Variants in SLC5A4 observed in about 807,000 individuals in gnomAD.
The protein encoded by SLC5A4 is probable glucose sensor protein SLC5A4.
Under a neutral mutation model 70.3 loss-of-function variants are expected in SLC5A4, and 55 were observed. The ratio of observed to expected loss-of-function variants is 0.78; its 90% CI spans 0.63 to 0.98. The LOEUF (loss-of-function observed/expected upper bound fraction) is 0.98. SLC5A4 is among the 50% of genes least tolerant of loss of function. The pLI, the probability that SLC5A4 is intolerant of heterozygous loss-of-function variation, is 0.00. For missense variants in SLC5A4, 735 were observed against 839.2 expected (o/e 0.88, Z 1.53); for synonymous variants, 268 against 305.7 (o/e 0.88, Z 1.29).
the SLC5A4 span, among the ~76,000 whole-genome samples, chr22:32,314,821 CAGAG>C: frequency 6.6e-6 from 1 of 152,094 alleles, no homozygotes; most frequent in East Asian, 1.9e-4. Flanking sequence ...GGCAAAGGGA[CAGAG>C]AGAGTGAGCG....
At chr22:32,349,145 T>C in the SLC5A4 span, among the ~76,000 whole-genome samples, 1 of 152,104 alleles carries the variant, frequency 6.6e-6, no homozygotes, top group African/African-American at 2.4e-5. Flanking sequence ...GGCTAATTTT[T>C]TGTGTTTTTA....
intron 5 of SLC5A4, among the ~76,000 whole-genome samples, chr22:32,241,041 C>T (rs896194380): frequency 6.6e-6 from 1 of 152,166 alleles, no homozygotes; most frequent in Non-Finnish European, 1.5e-5. Context: ...AGGGTATTTC[C>T]GTGAGGCCCA....
the SLC5A4 span, among the ~76,000 whole-genome samples, chr22:32,347,135 C>G: frequency 6.6e-6 from 1 of 152,180 alleles, no homozygotes; most frequent in Non-Finnish European, 1.5e-5. Context: ...CAGATAAATG[C>G]AAATCAAAAT....
the SLC5A4 span, among the ~76,000 whole-genome samples, chr22:32,267,674 A>G: frequency 6.6e-6 from 1 of 152,144 alleles, no homozygotes. Flanking sequence ...AACATCATTT[A>G]CATTCTCTAT....
the SLC5A4 span, among the ~76,000 whole-genome samples, chr22:32,328,195 G>A: frequency 5.3e-5 from 8 of 152,138 alleles, no homozygotes; most frequent in South Asian, 1.5e-3. Flanking sequence ...TCCCCCATCT[G>A]TAAAATGTGG....
At chr22:32,276,519 T>G in the SLC5A4 span, among the ~76,000 whole-genome samples, 2 of 152,222 alleles carry the variant, frequency 1.3e-5, no homozygotes, top group African/African-American at 4.8e-5. Context: ...ATAGCTCCAT[T>G]TGCATAAAAA....
the SLC5A4 span, among the ~76,000 whole-genome samples, chr22:32,330,923 C>T: frequency 4.0e-5 from 1 of 25,102 alleles, no homozygotes; most frequent in Non-Finnish European, 7.4e-5. Context: ...GTGTTGGAGG[C>T]CTCTGGTGTG....
Position 32,218,484 on chromosome 22 carries a change from T to C in SLC5A4, c.*30A>G, listed in dbSNP as rs759517427. On this transcript the variant is annotated 3_prime_UTR_variant, in exon 15 of 15. Coordinates refer to ENST00000266086, the MANE Select transcript of SLC5A4 (RefSeq NM_014227.3). The stretch of plus-strand genomic sequence containing the variant: ...TATCCTTTGGTTCATTATTAAGAAT[T>C]ATTCATTATTCTAATGGCTCAGATA... The C allele has an allele frequency of 4.6e-6, 6 of 1,300,908 alleles. No homozygotes were observed. The African/African-American group carries it at 8.9e-5, about 19-fold the overall frequency. The allele number at this position is 1,300,908 out of a possible 1,614,324, so 80.6% of individuals were successfully genotyped here.
chr22:32,228,785 CCT>C (rs1265184877), intron 11 of SLC5A4, among the ~76,000 whole-genome samples: 1 of 152,030 alleles, frequency 6.6e-6, no homozygotes, highest in Non-Finnish European at 1.5e-5. Context: ...CTGATAAACT[CCT>C]CTGTGTTCAT....
At chr22:32,267,197 A>G in the SLC5A4 span, among the ~76,000 whole-genome samples, 1 of 152,208 alleles carries the variant, frequency 6.6e-6, no homozygotes, top group Admixed American at 6.5e-5. Context: ...AGTGAGGACG[A>G]TCTCCTTTGT....
At chr22:32,349,909 CCTT>C in the SLC5A4 span, among the ~76,000 whole-genome samples, 9 of 152,302 alleles carry the variant, frequency 5.9e-5, no homozygotes, top group East Asian at 1.7e-3. Context: ...TCCTTCATAA[CCTT>C]CTTTACCATA....
chr22:32,341,699 T>C, the SLC5A4 span, among the ~76,000 whole-genome samples: 1 of 152,338 alleles, frequency 6.6e-6, no homozygotes, highest in East Asian at 1.9e-4. Context: ...GTGGCCTAAA[T>C]GGCCCCTTAT....
At chr22:32,241,766 CAT>C (rs200519667) in intron 5 of SLC5A4, among the ~76,000 whole-genome samples, 3,803 of 142,892 alleles carry the variant, frequency 0.027, 128 homozygotes, top group African/African-American at 0.09. Flanking sequence ...ACAAATTTTA[CAT>C]ATATATATGT....
At chr22:32,329,089 G>T in the SLC5A4 span, among the ~76,000 whole-genome samples, 8 of 152,354 alleles carry the variant, frequency 5.3e-5, no homozygotes, top group Middle Eastern at 3.4e-3. Context: ...GAGTGAGCTG[G>T]CGTCTGGATC....
At chr22:32,313,800 T>C in the SLC5A4 span, among the ~76,000 whole-genome samples, 3 of 138,012 alleles carry the variant, frequency 2.2e-5, no homozygotes, top group Admixed American at 7.4e-5. Context: ...TGGGAGTCTA[T>C]TGGGAAGGGG....
At chr22:32,331,033 G>A in the SLC5A4 span, among the ~76,000 whole-genome samples, 1 of 112,118 alleles carries the variant, frequency 8.9e-6, no homozygotes, top group Non-Finnish European at 1.9e-5. Context: ...GTGTGTGTTG[G>A]AGGCTCTGGT....
chr22:32,251,713 T>A (rs1456332127), intron 3 of SLC5A4, 57 bp downstream of exon 3: 4 of 1,022,846 alleles, frequency 3.9e-6, no homozygotes, highest in Non-Finnish European at 6.2e-6. Context: ...GCATAAAACA[T>A]ACTAAGACAC....
chr22:32,347,258 G>A, the SLC5A4 span, among the ~76,000 whole-genome samples: 1 of 152,142 alleles, frequency 6.6e-6, no homozygotes, highest in Non-Finnish European at 1.5e-5. Flanking sequence ...CTGTTGGTGG[G>A]ACTGTAAACT....
At chr22:32,300,565 T>C in the SLC5A4 span, among the ~76,000 whole-genome samples, 2 of 150,918 alleles carry the variant, frequency 1.3e-5, no homozygotes, top group Admixed American at 6.6e-5. Context: ...TGTCTGGCAC[T>C]CCCTAGTGAG....
Sources: allele counts gnomAD v4.1 joint callset (sites outside exome capture counted in the v4.1 genomes callset), GRCh38; gene constraint gnomAD v4.1.1; transcripts MANE v1.5; gene names NCBI Gene and HGNC (gene_info 2026-07-23, HGNC 2026-07-21).